The following CCDC102B variants were observed in gnomAD, a reference collection of about 807,000 sequenced individuals.
CCDC102B encodes the protein coiled-coil domain containing 102B, also known as coiled-coil domain-containing protein 102B.
In CCDC102B, 75 loss-of-function variants were observed where a neutral mutation model predicts 57.4. The observed-to-expected ratio is 1.31, with a 90% confidence interval of 1.08 to 1.58. The LOEUF (loss-of-function observed/expected upper bound fraction) is 1.58. CCDC102B is among the 40% of genes most tolerant of loss of function. The probability of loss-of-function intolerance (pLI) is 0.00; values close to 1 mark genes in which losing one functional copy is unlikely to be tolerated. For missense variants in CCDC102B, 636 were observed against 582.6 expected (o/e 1.09, Z -0.94); for synonymous variants, 206 against 201.9 (o/e 1.02, Z -0.17).
At position 69,043,497 on chromosome 18, in the gene CCDC102B, T is replaced by C. The variant is rs2145479598; in HGVS notation, c.1435-10533T>C. Among the ~76,000 whole-genome samples, 2 of 152,216 alleles carry C rather than the reference T, an allele frequency of 1.3e-5. 1 individual carries two copies. The highest frequency in any genetic ancestry group is 4.1e-4 in the South Asian group (2 of 4,822). On this transcript the variant is annotated intron_variant, in intron 7 of 7. Coordinates refer to ENST00000360242, the MANE Select transcript of CCDC102B (RefSeq NM_024781.3). ...GAGAAACCTTGGACAATACCTGGCT[T>C]TCCTAGGCAGAGGTCCCTGCGGCCT...
chr18:68,842,848 G>A (rs964841195), intron 3 of CCDC102B, among the ~76,000 whole-genome samples: 1 of 152,012 alleles, frequency 6.6e-6, no homozygotes, highest in African/African-American at 2.4e-5. Flanking sequence ...GTCAATTTCC[G>A]CTCAAATTTG....
At chr18:69,001,121 A>C (rs184526926) in intron 6 of CCDC102B, among the ~76,000 whole-genome samples, 1 of 152,096 alleles carries the variant, frequency 6.6e-6, no homozygotes, top group African/African-American at 2.4e-5. Context: ...ATGTGCTGCT[A>C]TTTCTGCCCA....
At chr18:68,952,085 T>G (rs896611246) in intron 6 of CCDC102B, among the ~76,000 whole-genome samples, 1 of 152,162 alleles carries the variant, frequency 6.6e-6, no homozygotes, top group African/African-American at 2.4e-5. Flanking sequence ...AAAATGAATT[T>G]TAAGTGAATA....
At chr18:68,904,587 A>G (rs2040559315) in intron 6 of CCDC102B, among the ~76,000 whole-genome samples, 1 of 152,194 alleles carries the variant, frequency 6.6e-6, no homozygotes, top group African/African-American at 2.4e-5. Context: ...GAAAGCATGT[A>G]CTGAAAGTTC....
At chr18:68,969,234 C>G (rs2050237452) in intron 6 of CCDC102B, among the ~76,000 whole-genome samples, 1 of 152,166 alleles carries the variant, frequency 6.6e-6, no homozygotes, top group Admixed American at 6.5e-5. Flanking sequence ...ATCCTCATTT[C>G]TTAGAACGGA....
At chr18:68,715,223 C>A, upstream of CCDC102B, 1 of 1,362,864 alleles carries the variant, frequency 7.3e-7, no homozygotes, top group Non-Finnish European at 9.4e-7. Context: ...CTTAAGAATC[C>A]TTTGCGCTCT....
In CCDC102B at chr18:69,054,417, A is replaced by G. The variant is rs2052780386; in HGVS notation, c.*280A>G. ...AAAGGGCTTTCAGAATACTTTTTAC[A>G]TAAAATCTGAAAGAGTTATAATATC... On this transcript the variant is annotated 3_prime_UTR_variant, in exon 8 of 8. Transcript: ENST00000360242. 1.9e-6 allele frequency: 2 copies of G among 1,074,298 alleles called. No homozygotes were observed. The highest frequency in any genetic ancestry group is 7.2e-5 in the South Asian group (2 of 27,642). The allele number at this position is 1,074,298 out of a possible 1,614,324, so 66.5% of individuals were successfully genotyped here. A position where few individuals can be genotyped will look rare whatever the true frequency, so the allele number is the denominator to read the frequency against.
chr18:68,891,668 T>C (rs1021399006), intron 5 of CCDC102B, among the ~76,000 whole-genome samples: 2 of 152,240 alleles, frequency 1.3e-5, no homozygotes, highest in African/African-American at 4.8e-5. Context: ...GTCTCTTTTC[T>C]GGGCTTGTAG....
chr18:69,037,529 G>C (rs1175140363), intron 7 of CCDC102B, among the ~76,000 whole-genome samples: 2 of 151,970 alleles, frequency 1.3e-5, no homozygotes, highest in Non-Finnish European at 2.9e-5. Context: ...CCTGGAGACT[G>C]GTTGAAATGC....
At chr18:68,845,998 G>A (rs12959654) in intron 3 of CCDC102B, among the ~76,000 whole-genome samples, 43,962 of 151,342 alleles carry the variant, frequency 0.29, 6,801 homozygotes, top group Non-Finnish European at 0.34. Flanking sequence ...ATCCTCCTAT[G>A]TAAGAGAATA....
intron 2 of CCDC102B, among the ~76,000 whole-genome samples, chr18:68,748,669 C>G (rs2033724682): frequency 1.3e-5 from 2 of 152,098 alleles, no homozygotes; most frequent in South Asian, 4.1e-4. Flanking sequence ...TGCTTTAGCC[C>G]TTCCTGTTTT....
chr18:68,971,467 C>T (rs1430776363), intron 6 of CCDC102B, among the ~76,000 whole-genome samples: 1 of 152,100 alleles, frequency 6.6e-6, no homozygotes, highest in East Asian at 1.9e-4. Flanking sequence ...TTGACTCACT[C>T]CAGTTATTAG....
At chr18:68,900,833 A>G (rs1238753497) in intron 6 of CCDC102B, among the ~76,000 whole-genome samples, 1 of 152,178 alleles carries the variant, frequency 6.6e-6, no homozygotes, top group Admixed American at 6.6e-5. Flanking sequence ...TATTACAGCC[A>G]GTTCGAAGGA....
intron 5 of CCDC102B, 98 bp downstream of exon 5, chr18:68,874,883 T>G (rs2039384619): frequency 1.4e-6 from 1 of 735,626 alleles, no homozygotes; most frequent in Admixed American, 2.2e-5. Context: ...GTGCCTTTGG[T>G]TACTTTATGA....
chr18:68,890,871 T>A (rs1599642278), intron 5 of CCDC102B, among the ~76,000 whole-genome samples: 1 of 152,176 alleles, frequency 6.6e-6, no homozygotes, highest in Non-Finnish European at 1.5e-5. Context: ...ATTTGTTTCA[T>A]TTTTTTCTAG....
At chr18:68,964,536 T>C (rs1304746595) in intron 6 of CCDC102B, among the ~76,000 whole-genome samples, 1 of 151,890 alleles carries the variant, frequency 6.6e-6, no homozygotes, top group Non-Finnish European at 1.5e-5. Context: ...GATTTCCAGC[T>C]ATATTATCTA....
chr18:69,048,513 G>A (rs773072519), intron 7 of CCDC102B, among the ~76,000 whole-genome samples: 8 of 152,028 alleles, frequency 5.3e-5, no homozygotes, highest in Non-Finnish European at 1.0e-4. Flanking sequence ...GTAAACTTGT[G>A]CCATCTCTAT....
intron 2 of CCDC102B, among the ~76,000 whole-genome samples, chr18:68,781,325 A>G (rs1343427597): frequency 9.2e-6 from 1 of 108,494 alleles, no homozygotes; most frequent in Non-Finnish European, 1.9e-5. Flanking sequence ...TAAGAGAAGA[A>G]TGAGTGGGTG....
At chr18:69,045,650 G>T (rs1244282943) in intron 7 of CCDC102B, among the ~76,000 whole-genome samples, 1 of 151,810 alleles carries the variant, frequency 6.6e-6, no homozygotes, top group Non-Finnish European at 1.5e-5. Flanking sequence ...TTCTTACATA[G>T]GTAAACTGCA....
Sources: gnomAD v4.1 joint callset for allele counts (sites outside exome capture counted in the v4.1 genomes callset) on GRCh38, gnomAD v4.1.1 for gene constraint, MANE v1.5 for transcripts, NCBI Gene and HGNC (gene_info 2026-07-23, HGNC 2026-07-21) for gene names.